Variants in RGS6 observed in about 807,000 individuals in gnomAD.
RGS6 encodes regulator of G protein signaling 6.
Under a neutral mutation model 78.5 loss-of-function variants are expected in RGS6, and 30 were observed. That is an observed-to-expected ratio of 0.38 (90% CI 0.29 to 0.52). RGS6 has a LOEUF of 0.52. RGS6 is among the 20% of genes least tolerant of loss of function. RGS6 has a pLI of 0.85. For missense variants in RGS6, 495 were observed against 609.7 expected, an observed-to-expected ratio of 0.81 and a Z score of 1.98; for synonymous variants, 206 against 206.0, an observed-to-expected ratio of 1.00 and a Z score of 0.00.
chr14:72,468,571 C>G (rs1166561622), intron 7 of RGS6, among the ~76,000 whole-genome samples: 1 of 152,146 alleles, frequency 6.6e-6, no homozygotes, highest in African/African-American at 2.4e-5. Flanking sequence ...GTGACTCCCC[C>G]TCACCTAAGT....
chr14:71,975,205 T>C (rs2094044793), intron 2 of RGS6, among the ~76,000 whole-genome samples: 2 of 152,204 alleles, frequency 1.3e-5, no homozygotes, highest in African/African-American at 4.8e-5. Flanking sequence ...AGGGTGTTTT[T>C]TCTAGATTTA....
intron 2 of RGS6, among the ~76,000 whole-genome samples, chr14:72,281,144 CTTTTTTTTTTT>C (rs11381940): frequency 4.4e-5 from 5 of 112,868 alleles, no homozygotes; most frequent in African/African-American, 1.0e-4. Flanking sequence ...AAACAAGATT[CTTTTTTTTTTT>C]TTTTTTTTTT....
the RGS6 span, among the ~76,000 whole-genome samples, chr14:71,871,782 A>C: frequency 6.6e-6 from 1 of 152,016 alleles, no homozygotes; most frequent in Non-Finnish European, 1.5e-5. Flanking sequence ...GATCTTCGTC[A>C]TCTCACTCCT....
intron 2 of RGS6, among the ~76,000 whole-genome samples, chr14:72,152,245 A>AGT (rs10686344): frequency 0.02 from 1,918 of 97,180 alleles, 22 homozygotes; most frequent in Middle Eastern, 0.083. Context: ...AGAGAGAGAG[A>AGT]GTGTGTGTGT....
chr14:71,886,905 A>G, the RGS6 span, among the ~76,000 whole-genome samples: 1 of 152,204 alleles, frequency 6.6e-6, no homozygotes, highest in Non-Finnish European at 1.5e-5. Context: ...TAATCCCAGT[A>G]CTTTGGGAGG....
chr14:72,430,901 T>A (rs2094603954), intron 3 of RGS6, among the ~76,000 whole-genome samples: 1 of 152,166 alleles, frequency 6.6e-6, no homozygotes, highest in South Asian at 2.1e-4. Flanking sequence ...AAAATATTAT[T>A]TAATCCAGGA....
the RGS6 span, among the ~76,000 whole-genome samples, chr14:71,901,730 C>T: frequency 6.6e-6 from 1 of 152,148 alleles, no homozygotes; most frequent in African/African-American, 2.4e-5. Flanking sequence ...TTGGTCTTGA[C>T]CACAGAGACT....
the RGS6 span, among the ~76,000 whole-genome samples, chr14:71,923,666 C>T: frequency 6.6e-6 from 1 of 152,058 alleles, no homozygotes; most frequent in Admixed American, 6.6e-5. Context: ...GACATCATGT[C>T]AAGTAAAAGA....
At chr14:72,417,214 G>A (rs2093879205) in intron 3 of RGS6, among the ~76,000 whole-genome samples, 1 of 152,186 alleles carries the variant, frequency 6.6e-6, no homozygotes, top group South Asian at 2.1e-4. Context: ...ATGAAAAAAT[G>A]AGAAAGATTG....
At chr14:72,484,172 C>T (rs76344506) in intron 12 of RGS6, among the ~76,000 whole-genome samples, 4,136 of 152,194 alleles carry the variant, frequency 0.027, 158 homozygotes, top group African/African-American at 0.085. Flanking sequence ...TTTAATATTC[C>T]AATTCCAGGT....
chr14:72,251,283 G>T (rs1413492582), intron 2 of RGS6, among the ~76,000 whole-genome samples: 1 of 152,216 alleles, frequency 6.6e-6, no homozygotes, highest in East Asian at 1.9e-4. Flanking sequence ...GGTATGGTCA[G>T]AATTTTGCTT....
chr14:72,518,946 A>G (rs897835837), intron 15 of RGS6, among the ~76,000 whole-genome samples: 34 of 152,316 alleles, frequency 2.2e-4, no homozygotes, highest in Non-Finnish European at 4.0e-4. Flanking sequence ...ACCTCTCTAC[A>G]CTGCTTCCGC....
chr14:72,390,814 C>G (rs1188505186), intron 3 of RGS6, among the ~76,000 whole-genome samples: 1 of 152,198 alleles, frequency 6.6e-6, no homozygotes, highest in Non-Finnish European at 1.5e-5. Context: ...GTGAGCCCTG[C>G]AAGGACTCAT....
At chr14:71,955,022 A>G (rs1435888934) in intron 1 of RGS6, among the ~76,000 whole-genome samples, 2 of 152,060 alleles carry the variant, frequency 1.3e-5, no homozygotes, top group East Asian at 3.9e-4. Context: ...ATAGGAACTG[A>G]GGTAGGTAGG....
intron 3 of RGS6, among the ~76,000 whole-genome samples, chr14:72,445,710 G>C (rs1182070485): frequency 1.3e-5 from 2 of 152,158 alleles, no homozygotes; most frequent in African/African-American, 2.4e-5. Flanking sequence ...GCATTCATTA[G>C]ACCCCAACTC....
chr14:72,068,087 A>G (rs1343302716), intron 2 of RGS6, among the ~76,000 whole-genome samples: 1 of 152,122 alleles, frequency 6.6e-6, no homozygotes, highest in Non-Finnish European at 1.5e-5. Context: ...AATCCTGGGA[A>G]AGTGAGCCCA....
At chr14:72,321,281 G>A (rs2071933576) in intron 2 of RGS6, among the ~76,000 whole-genome samples, 1 of 151,578 alleles carries the variant, frequency 6.6e-6, no homozygotes, top group Non-Finnish European at 1.5e-5. Context: ...AGAAAATATA[G>A]ACCAAAGAGT....
chr14:72,472,171 A>G (rs1566929496), intron 8 of RGS6, among the ~76,000 whole-genome samples: 5 of 74,800 alleles, frequency 6.7e-5, no homozygotes, highest in African/African-American at 1.1e-4. Context: ...TGCTTTTTTA[A>G]GAAAAAAAAA....
At chr14:72,195,759 G>A (rs1254502025) in intron 2 of RGS6, among the ~76,000 whole-genome samples, 1 of 152,148 alleles carries the variant, frequency 6.6e-6, no homozygotes, top group Non-Finnish European at 1.5e-5. Context: ...GGTGTGTAGA[G>A]TCACAGAAAG....
Sources: gnomAD v4.1 joint callset for allele counts (sites outside exome capture counted in the v4.1 genomes callset) on GRCh38, gnomAD v4.1.1 for gene constraint, MANE v1.5 for transcripts, NCBI Gene and HGNC (gene_info 2026-07-23, HGNC 2026-07-21) for gene names.